PCDHGA7: variants seen among roughly 807,000 people sequenced by gnomAD.
PCDHGA7 encodes the protein protocadherin gamma subfamily A, 7.
In PCDHGA7, 44 loss-of-function variants were observed where a neutral mutation model predicts 58.3. The observed-to-expected ratio is 0.75, with a 90% CI of 0.59 to 0.97. The LOEUF (loss-of-function observed/expected upper bound fraction) is 0.97. Ranked by LOEUF, PCDHGA7 falls within the 50% of genes least tolerant of loss-of-function variation. The pLI is 0.00. For missense variants in PCDHGA7, 1,266 were observed against 1,188.7 expected (o/e 1.06, Z -0.96); for synonymous variants, 516 against 504.2 (o/e 1.02, Z -0.31).
chr5:141,388,985 C>T, intron 1 of PCDHGA7: 1 of 1,613,958 alleles, frequency 6.2e-7, no homozygotes, highest in South Asian at 1.1e-5. Flanking sequence ...TTGCTTTGCT[C>T]AAAGTCCGTG....
chr5:141,466,947 A>C (rs2099132734), intron 1 of PCDHGA7, among the ~76,000 whole-genome samples: 1 of 152,126 alleles, frequency 6.6e-6, no homozygotes, highest in South Asian at 2.1e-4. Context: ...TGTCCAGTAA[A>C]CAGACTGCAA....
intron 1 of PCDHGA7, among the ~76,000 whole-genome samples, chr5:141,439,495 C>A (rs142329128): frequency 6.6e-6 from 1 of 152,206 alleles, no homozygotes; most frequent in Non-Finnish European, 1.5e-5. Context: ...CAGTGAGAAA[C>A]GTCTTTCTCT....
At position 141,384,711 on chromosome 5, in the gene PCDHGA7, G is replaced by A. The variant is rs765373675; in HGVS notation, c.1812G>A (p.Leu604=). ...AAGATTCAGGCCAGAACGCCTGGCT[G>A]TCATACCTCCTGCTTAAGGCCAGCG... ...VDKDSGQNAW[L]SYLLLKASEP... is the part of the protein sequence containing the mutation. The change falls in exon 1 of 4, where the codon CTG becomes CTA. Residue 604 remains leucine (L), a synonymous_variant. Coordinates refer to ENST00000518325, the MANE Select transcript of PCDHGA7 (RefSeq NM_018920.4). 2.5e-6 allele frequency: 4 copies of A among 1,614,042 alleles called. No individual in the cohort carries two copies. The highest frequency in any genetic ancestry group is 2.2e-5 in the East Asian group (1 of 44,884).
intron 1 of PCDHGA7, chr5:141,395,105 G>T: frequency 1.9e-6 from 3 of 1,614,220 alleles, no homozygotes; most frequent in Non-Finnish European, 2.5e-6. Context: ...CCGACTCGCG[G>T]AAGAGTCACC....
At chr5:141,483,100 G>A (rs1051736065) in intron 1 of PCDHGA7, among the ~76,000 whole-genome samples, 11 of 152,078 alleles carry the variant, frequency 7.2e-5, no homozygotes, top group South Asian at 2.1e-4. Flanking sequence ...AAAAGTGTGC[G>A]TGTAAAACAG....
chr5:141,479,333 G>A (rs2154577502), intron 1 of PCDHGA7: 1 of 152,652 alleles, frequency 6.6e-6, no homozygotes, highest in East Asian at 1.9e-4. Context: ...TCAGTGGTGT[G>A]CACCTGTAGT....
intron 1 of PCDHGA7, chr5:141,427,312 C>T (rs1438759401): frequency 4.4e-6 from 2 of 456,954 alleles, no homozygotes; most frequent in East Asian, 6.9e-5. Context: ...GACAATGCCC[C>T]AGACGTGGTT....
At chr5:141,484,362 A>T (rs1460176695) in intron 1 of PCDHGA7, among the ~76,000 whole-genome samples, 1 of 152,196 alleles carries the variant, frequency 6.6e-6, no homozygotes, top group Non-Finnish European at 1.5e-5. Context: ...TATCTAGTGT[A>T]TCACTAGCAA....
intron 1 of PCDHGA7, chr5:141,427,624 C>T (rs2097051687): frequency 1.4e-6 from 1 of 698,516 alleles, no homozygotes; most frequent in South Asian, 1.5e-5. Context: ...AACGACAATG[C>T]TCCGGTTTTC....
chr5:141,460,681 A>G (rs2098995379), intron 1 of PCDHGA7, among the ~76,000 whole-genome samples: 1 of 152,134 alleles, frequency 6.6e-6, no homozygotes, highest in African/African-American at 2.4e-5. Context: ...ATATATCTAT[A>G]TATCCACCAA....
At position 141,384,071 on chromosome 5, in the gene PCDHGA7, C is replaced by G; in HGVS notation, c.1172C>G (p.Pro391Arg). 1.2e-6 allele frequency: 2 copies of G among 1,603,192 alleles called. No homozygotes were observed. Among genetic ancestry groups the G allele is most frequent in the Non-Finnish European group, 1.7e-6 (2 of 1,174,296 alleles). The change falls in exon 1 of 4, where the codon CCT becomes CGT. Residue 391 changes from proline (P) to arginine (R), a missense_variant. By Grantham distance (103) the Pro-to-Arg change is moderately radical. Transcript: ENST00000518325. The part of the protein sequence containing the change: ...EVTCTIPENL[P>R]FKLEKSIDNY... ...ACCTGCACCATTCCAGAAAACCTAC[C>G]TTTTAAATTAGAAAAATCAATAGAT... is the stretch of plus-strand genomic sequence containing the variant.
chr5:141,495,000 G>A lies in PCDHGA7; in HGVS notation c.2483+135G>A, dbSNP rs191756104. ...AGTTTGAGATCCCAGGGAGGTCTTG[G>A]TGTGCGGGGGGCTGGCACACAGACC... On this transcript the variant is annotated intron_variant, in intron 2 of 3. Transcript: ENST00000518325. 1.3e-4 allele frequency: 202 copies of A among 1,531,656 alleles called. 2 individuals carry two copies. The African/African-American group carries it at 2.4e-3, about 19-fold the overall frequency. The allele number at this position is 1,531,656 out of a possible 1,614,324, so 94.9% of individuals were successfully genotyped here. A position where few individuals can be genotyped will look rare whatever the true frequency, so the allele number is the denominator to read the frequency against.
intron 1 of PCDHGA7, chr5:141,415,515 G>C: frequency 6.2e-7 from 1 of 1,614,152 alleles, no homozygotes; most frequent in Non-Finnish European, 8.5e-7. Flanking sequence ...CCAATTATGC[G>C]GACACGCTCA....
intron 1 of PCDHGA7, chr5:141,423,839 A>C: frequency 7.8e-7 from 1 of 1,279,970 alleles, no homozygotes; most frequent in Admixed American, 3.8e-5. Flanking sequence ...AGATTACGAT[A>C]ATCTTTCAGA....
rs767425379 is a variant in PCDHGA7, at chr5:141,403,635, T to C, written c.2424+18312T>C. 1.1e-5 allele frequency: 18 copies of C among 1,613,902 alleles called. No individual in the cohort carries two copies. The South Asian group carries it at 1.8e-4, about 16-fold the overall frequency. On this transcript the variant is annotated intron_variant, in intron 1 of 3. Transcript: ENST00000518325. ...CCGCGTCGCTCCAGCACAGTGCGCA[T>C]CCATGTGACAGTGTTGGATACAAAT... is the stretch of plus-strand genomic sequence containing the variant.
At chr5:141,420,530 A>G (rs1038635436) in intron 1 of PCDHGA7, 9 of 336,858 alleles carry the variant, frequency 2.7e-5, no homozygotes, top group African/African-American at 6.4e-5. Flanking sequence ...CCTTTCGGTT[A>G]AAAATATAAA....
intron 3 of PCDHGA7, among the ~76,000 whole-genome samples, chr5:141,510,092 T>C (rs973542449): frequency 6.6e-6 from 1 of 152,138 alleles, no homozygotes; most frequent in South Asian, 2.1e-4. Flanking sequence ...TGGCACACAG[T>C]AGGTGCTCAA....
intron 3 of PCDHGA7, 69 bp from the exon 4 acceptor site, chr5:141,510,878 G>A (rs896348248): frequency 6.2e-7 from 1 of 1,610,438 alleles, no homozygotes; most frequent in African/African-American, 1.3e-5. Context: ...TTAACTGCTG[G>A]GGATATAAGA....
Position 141,476,708 on chromosome 5 carries a change from T to C in PCDHGA7, c.2425-18099T>C, listed in dbSNP as rs1205987380. The C allele has an allele frequency of 1.2e-6, 2 of 1,614,150 alleles. No homozygotes were observed. The highest frequency in any genetic ancestry group is 8.5e-7 in the Non-Finnish European group (1 of 1,180,024). ...CAGCACCAAGTACGCGGAGCTGGTG[T>C]TGGAGCGCGCCCTGGACCGAGAACG... On this transcript the variant is annotated intron_variant, in intron 1 of 3. Coordinates refer to ENST00000518325, the MANE Select transcript of PCDHGA7 (RefSeq NM_018920.4). The surrounding 1 kb of genome is among the most constrained non-coding windows in gnomAD (Gnocchi z 7.6).
Sources: gnomAD v4.1 joint callset for allele counts (sites outside exome capture counted in the v4.1 genomes callset) on GRCh38, gnomAD v4.1.1 for gene constraint, Gnocchi (gnomAD v3.1) non-coding constraint, MANE v1.5 for transcripts, NCBI Gene and HGNC (gene_info 2026-07-23, HGNC 2026-07-21) for gene names.